The following WWOX variants were observed in gnomAD, a reference collection of about 807,000 sequenced individuals.
The protein encoded by WWOX is WW domain-containing oxidoreductase.
A neutral mutation model predicts 46.2 loss-of-function variants in WWOX; 69 were observed. The observed-to-expected ratio is 1.49, with a 90% CI of 1.23 to 1.82. The LOEUF (loss-of-function observed/expected upper bound fraction) is 1.82, where lower values mean the gene tolerates loss of function less well. Among genes scored for constraint, WWOX ranks in the 40% most tolerant of loss-of-function variants. WWOX has a pLI of 0.00. For synonymous variants in WWOX, 359 were observed against 202.6 expected, an observed-to-expected ratio of 1.77 and a Z score of -6.56; for missense variants, 919 against 542.6, an observed-to-expected ratio of 1.69 and a Z score of -6.89.
At chr16:78,261,788 C>CTA (rs71384369) in intron 5 of WWOX, among the ~76,000 whole-genome samples, 5,843 of 73,274 alleles carry the variant, frequency 0.08, 202 homozygotes, top group Non-Finnish European at 0.11. Flanking sequence ...ATCTATCTAT[C>CTA]TATATATATA....
At chr16:78,349,132 G>A (rs1416470553) in intron 5 of WWOX, among the ~76,000 whole-genome samples, 1 of 120,904 alleles carries the variant, frequency 8.3e-6, no homozygotes. Context: ...TACCTCGTCT[G>A]CTTGCAGACA....
chr16:79,203,786 A>T (rs1199121355), intron 8 of WWOX: 1 of 152,202 alleles, frequency 6.6e-6, no homozygotes, highest in Non-Finnish European at 1.5e-5. Flanking sequence ...GAGCTCATTA[A>T]TTCTGCCTGG....
At chr16:79,005,754 C>T (rs74032479) in intron 8 of WWOX, among the ~76,000 whole-genome samples, 4,578 of 152,218 alleles carry the variant, frequency 0.03, 229 homozygotes, top group African/African-American at 0.1. Flanking sequence ...CTGCAAAGAC[C>T]CTATTTCCAA....
At chr16:78,496,660 C>T (rs1387778128) in intron 8 of WWOX, among the ~76,000 whole-genome samples, 1 of 152,212 alleles carries the variant, frequency 6.6e-6, no homozygotes, top group African/African-American at 2.4e-5. Flanking sequence ...CCCCAAGTTT[C>T]TGGTTTACTC....
intron 8 of WWOX, among the ~76,000 whole-genome samples, chr16:78,785,021 T>C (rs766587122): frequency 1.3e-5 from 2 of 152,184 alleles, no homozygotes; most frequent in South Asian, 2.1e-4. Context: ...GTGGTACTTG[T>C]GGCAACAGCA....
At chr16:79,118,577 A>G (rs1183373882) in intron 8 of WWOX, among the ~76,000 whole-genome samples, 11 of 152,256 alleles carry the variant, frequency 7.2e-5, no homozygotes, top group African/African-American at 1.7e-4. Flanking sequence ...GCAAAGTGCA[A>G]TAAAAGGAAA....
At chr16:79,072,809 G>A (rs1116432) in intron 8 of WWOX, among the ~76,000 whole-genome samples, 151,924 of 152,306 alleles carry the variant, frequency 1, 75,775 homozygotes, top group Middle Eastern at 1. Context: ...GTAAATGCTT[G>A]GTCTTTGATT....
intron 8 of WWOX, among the ~76,000 whole-genome samples, chr16:79,021,037 A>G (rs908743193): frequency 6.6e-6 from 1 of 152,210 alleles, no homozygotes; most frequent in Non-Finnish European, 1.5e-5. Context: ...ACAAGCTTCA[A>G]AAAGTTTTCA....
chr16:79,010,216 C>T (rs7184417), intron 8 of WWOX, among the ~76,000 whole-genome samples: 36,506 of 152,120 alleles, frequency 0.24, 5,722 homozygotes, highest in African/African-American at 0.44. Context: ...CAAATGCTTA[C>T]CGAGCATCTG....
rs150853019 is a variant in WWOX, at chr16:79,096,120, G to A, written c.1057-115488G>A. ...TGACCTCAACTGATCCGCCTGCCTC[G>A]GTCTCCCAAAGTGCTGGGATTACAG... On this transcript the variant is annotated intron_variant, in intron 8 of 8. Transcript: ENST00000566780. Among the ~76,000 whole-genome samples, 22 of 147,584 alleles carry A rather than the reference G, an allele frequency of 1.5e-4. No individual in the cohort carries two copies. The East Asian group carries it at 3.2e-3, about 22-fold the overall frequency.
rs1458764711 is a variant in WWOX at position 79,168,760 on chromosome 16, T to G, written c.1057-42848T>G. On this transcript the variant is annotated intron_variant, in intron 8 of 8. Coordinates refer to ENST00000566780, the MANE Select transcript of WWOX (RefSeq NM_016373.4). Reference sequence around the variant, plus strand: ...GGTAAACCAAGTCCCAGGAAAGTCATTCCAGTTTCCCAAGATCCCGGAGCT... The same window carrying G: ...GGTAAACCAAGTCCCAGGAAAGTCAGTCCAGTTTCCCAAGATCCCGGAGCT... Among the ~76,000 whole-genome samples, 3 of 152,136 alleles carry G rather than the reference T, an allele frequency of 2.0e-5. No homozygotes were observed. The East Asian group carries it at 5.8e-4, about 29-fold the overall frequency.
chr16:78,631,601 C>A lies in WWOX; in HGVS notation c.1056+198849C>A, dbSNP rs78653894. Among the ~76,000 whole-genome samples the A allele has an allele frequency of 4.1e-3, 615 of 149,804 alleles. 4 individuals carry two copies. The highest frequency in any genetic ancestry group is 0.014 in the African/African-American group (576 of 40,916). On this transcript the variant is annotated intron_variant, in intron 8 of 8. Coordinates refer to ENST00000566780, the MANE Select transcript of WWOX (RefSeq NM_016373.4). The stretch of plus-strand genomic sequence containing the variant: ...TCACCCAGGGTCTAGCACAGTGGCA[C>A]GATTTTGGCTCACTGCAGCTTCCTC...
At chr16:78,950,927 T>G (rs2046046953) in intron 8 of WWOX, among the ~76,000 whole-genome samples, 2 of 152,152 alleles carry the variant, frequency 1.3e-5, no homozygotes, top group South Asian at 4.1e-4. Context: ...ATTGTCCAGA[T>G]TTTCAGTCTT....
chr16:78,658,393 C>T (rs774492865), intron 8 of WWOX, among the ~76,000 whole-genome samples: 2 of 152,222 alleles, frequency 1.3e-5, no homozygotes, highest in East Asian at 1.9e-4. Flanking sequence ...ATTTAATCCT[C>T]ACAAGAATTC....
chr16:78,879,792 G>A (rs781065129), intron 8 of WWOX, among the ~76,000 whole-genome samples: 11 of 151,780 alleles, frequency 7.2e-5, no homozygotes, highest in Admixed American at 6.6e-4. Context: ...CAGGAGAGTC[G>A]CTTGAACTTG....
chr16:78,231,702 C>G (rs1394604434), intron 5 of WWOX, among the ~76,000 whole-genome samples: 1 of 152,130 alleles, frequency 6.6e-6, no homozygotes, highest in Non-Finnish European at 1.5e-5. Context: ...TGCCTCTCTC[C>G]TGGAATTGCC....
intron 5 of WWOX, among the ~76,000 whole-genome samples, chr16:78,383,824 A>C (rs1340420190): frequency 6.6e-6 from 1 of 152,170 alleles, no homozygotes; most frequent in Non-Finnish European, 1.5e-5. Context: ...TGTGGACTTG[A>C]ATCACTATCC....
intron 8 of WWOX, among the ~76,000 whole-genome samples, chr16:78,804,065 C>G (rs1250930165): frequency 2.6e-5 from 4 of 152,076 alleles, no homozygotes; most frequent in African/African-American, 4.8e-5. Context: ...TCTGACTTCC[C>G]TCTCCTTCAT....
intron 5 of WWOX, among the ~76,000 whole-genome samples, chr16:78,308,925 C>T (rs1317517985): frequency 6.6e-6 from 1 of 152,154 alleles, no homozygotes; most frequent in Non-Finnish European, 1.5e-5. Flanking sequence ...ACAGTCCTAT[C>T]TGTTGATCTC....
Sources: allele counts gnomAD v4.1 joint callset (sites outside exome capture counted in the v4.1 genomes callset), GRCh38; gene constraint gnomAD v4.1.1; transcripts MANE v1.5; gene names NCBI Gene and HGNC (gene_info 2026-07-23, HGNC 2026-07-21).